Variants in CCDC149 observed in about 807,000 individuals in gnomAD.
CCDC149 encodes coiled-coil domain-containing protein 149.
A neutral mutation model predicts 59.9 loss-of-function variants in CCDC149; 45 were observed. That is an observed-to-expected ratio of 0.75 (90% CI 0.59 to 0.96). CCDC149 has a LOEUF of 0.96. Ranked by LOEUF, CCDC149 falls within the 40% of genes least tolerant of loss-of-function variation. The pLI, the probability that CCDC149 is intolerant of heterozygous loss-of-function variation, is 0.00. For missense variants in CCDC149, 584 were observed against 664.7 expected (o/e 0.88, Z 1.33); for synonymous variants, 245 against 260.6 (o/e 0.94, Z 0.58).
intron 1 of CCDC149, among the ~76,000 whole-genome samples, chr4:24,886,910 T>C (rs7440402): frequency 0.6 from 91,665 of 151,820 alleles, 29,886 homozygotes; most frequent in Non-Finnish European, 0.74. Context: ...AAAATATGCC[T>C]AGTTTTGGGT....
rs181391513 is a variant in CCDC149 at position 24,880,331 on chromosome 4, G to T, written c.64-3634C>A. Among the ~76,000 whole-genome samples, 475 of 152,332 alleles carry T rather than the reference G, an allele frequency of 3.1e-3. 3 individuals are homozygous for T. Among genetic ancestry groups the T allele is most frequent in the Non-Finnish European group, 4.2e-3 (286 of 68,022 alleles). On this transcript the variant is annotated intron_variant, in intron 1 of 12. Transcript: ENST00000635206. Reference sequence around the variant, plus strand: ...GCATGCAGTACGCTGTGCCATCTAGGTTTGTGTAAGTACACTCTATGATGT... The same window carrying T: ...GCATGCAGTACGCTGTGCCATCTAGTTTTGTGTAAGTACACTCTATGATGT...
At chr4:24,917,384 TGGCAG>T (rs1217609593), upstream of CCDC149, among the ~76,000 whole-genome samples, 1 of 152,194 alleles carries the variant, frequency 6.6e-6, no homozygotes, top group Non-Finnish European at 1.5e-5. Flanking sequence ...GATGACGGCC[TGGCAG>T]GCCGGGGACC....
At chr4:24,852,287 TACACACACACACACACAC>T (rs768071017) in intron 4 of CCDC149, among the ~76,000 whole-genome samples, 6 of 121,356 alleles carry the variant, frequency 4.9e-5, no homozygotes, top group African/African-American at 1.3e-4. Context: ...CAACACACCA[TACACACACACACACACAC>T]ACACACACAC....
chr4:24,917,307 C>A (rs1483150698), upstream of CCDC149, among the ~76,000 whole-genome samples: 1 of 152,236 alleles, frequency 6.6e-6, no homozygotes, highest in Non-Finnish European at 1.5e-5. Flanking sequence ...ATCAGCCAGG[C>A]AGCAGGGGGT....
chr4:24,974,427 A>G (rs1724089017), intron 1 of CCDC149, among the ~76,000 whole-genome samples: 2 of 152,182 alleles, frequency 1.3e-5, no homozygotes, highest in African/African-American at 4.8e-5. Context: ...TAGAGGACAG[A>G]GTAACCACCT....
chr4:24,815,485 T>C (rs553733439), intron 12 of CCDC149, among the ~76,000 whole-genome samples: 135 of 152,302 alleles, frequency 8.9e-4, no homozygotes, highest in African/African-American at 3.1e-3. Context: ...CAGCTAAATT[T>C]TTCACCAACG....
At chr4:24,943,475 C>T (rs1723009807) in intron 1 of CCDC149, among the ~76,000 whole-genome samples, 4 of 151,928 alleles carry the variant, frequency 2.6e-5, no homozygotes, top group Admixed American at 2.6e-4. Context: ...AGAAGAAAAC[C>T]TAGGCAATAC....
chr4:24,862,308 T>C (rs978988428), intron 3 of CCDC149, among the ~76,000 whole-genome samples: 2 of 152,204 alleles, frequency 1.3e-5, no homozygotes, highest in Admixed American at 1.3e-4. Context: ...GCAAAGCAAC[T>C]GACCATGGAG....
intron 1 of CCDC149, chr4:24,895,000 C>T (rs1393626961): frequency 5.2e-6 from 8 of 1,536,254 alleles, no homozygotes; most frequent in Non-Finnish European, 6.1e-6. Flanking sequence ...ACCTCAGAAT[C>T]CCAAGTGGCC....
At chr4:24,855,937 G>A (rs1247589590) in intron 3 of CCDC149, among the ~76,000 whole-genome samples, 3 of 152,238 alleles carry the variant, frequency 2.0e-5, no homozygotes, top group African/African-American at 4.8e-5. Context: ...CCTGGGTTGG[G>A]TGACATGACA....
At chr4:24,885,481 A>G (rs1344646500) in intron 1 of CCDC149, among the ~76,000 whole-genome samples, 1 of 152,146 alleles carries the variant, frequency 6.6e-6, no homozygotes, top group Non-Finnish European at 1.5e-5. Flanking sequence ...CACGGTGTCT[A>G]ATGCAGTATT....
intron 1 of CCDC149, among the ~76,000 whole-genome samples, chr4:24,936,654 G>C (rs1185296338): frequency 1.3e-5 from 2 of 152,150 alleles, no homozygotes; most frequent in East Asian, 3.8e-4. Context: ...ACACCAAAAT[G>C]TGTCCCTCCT....
intron 1 of CCDC149, among the ~76,000 whole-genome samples, chr4:24,889,371 A>G (rs1228295583): frequency 6.6e-6 from 1 of 152,192 alleles, no homozygotes; most frequent in Non-Finnish European, 1.5e-5. Context: ...TCTAAAAATC[A>G]TGGCTTACCT....
intron 1 of CCDC149, among the ~76,000 whole-genome samples, chr4:24,937,941 G>C (rs556126103): frequency 6.6e-6 from 1 of 152,136 alleles, no homozygotes; most frequent in African/African-American, 2.4e-5. Flanking sequence ...TGATATGTTG[G>C]TGGTGGGCTG....
chr4:24,895,812 C>T (rs1354396474), intron 1 of CCDC149, among the ~76,000 whole-genome samples: 1 of 152,182 alleles, frequency 6.6e-6, no homozygotes, highest in African/African-American at 2.4e-5. Context: ...GCTATGAGAC[C>T]ATCCCTTCAG....
At chr4:24,943,045 T>G (rs1722994014) in intron 1 of CCDC149, among the ~76,000 whole-genome samples, 1 of 151,380 alleles carries the variant, frequency 6.6e-6, no homozygotes, top group Admixed American at 6.6e-5. Context: ...TGGAAAAAAC[T>G]ACTTTAAAGT....
At chr4:24,922,718 G>C (rs975163536) in intron 1 of CCDC149, among the ~76,000 whole-genome samples, 1 of 152,124 alleles carries the variant, frequency 6.6e-6, no homozygotes, top group East Asian at 1.9e-4. Context: ...TCCCCAGTGA[G>C]TGCTATAGGA....
At chr4:24,848,771 G>A (rs1372910826) in intron 4 of CCDC149, among the ~76,000 whole-genome samples, 2 of 152,126 alleles carry the variant, frequency 1.3e-5, no homozygotes, top group Non-Finnish European at 1.5e-5. Flanking sequence ...TTCTATCCAT[G>A]AAATTGTCAA....
intron 1 of CCDC149, among the ~76,000 whole-genome samples, chr4:24,956,793 A>C (rs1242647890): frequency 6.6e-6 from 1 of 152,238 alleles, no homozygotes; most frequent in African/African-American, 2.4e-5. Context: ...AGGAAGCAGA[A>C]ACTTGGCGGG....
Sources: gnomAD v4.1 joint callset for allele counts (sites outside exome capture counted in the v4.1 genomes callset) on GRCh38, gnomAD v4.1.1 for gene constraint, MANE v1.5 for transcripts, NCBI Gene and HGNC (gene_info 2026-07-23, HGNC 2026-07-21) for gene names.